Variants in ZNF804A observed in about 807,000 individuals in gnomAD.
ZNF804A encodes zinc finger protein 804A.
In ZNF804A, 2 loss-of-function variants were observed where a neutral mutation model predicts 16.5. The ratio of observed to expected loss-of-function variants is 0.12; its 90% CI spans 0.05 to 0.38. The LOEUF (loss-of-function observed/expected upper bound fraction) is 0.38, where lower values mean the gene tolerates loss of function less well. Ranked by LOEUF, ZNF804A falls within the 10% of genes least tolerant of loss-of-function variation. The pLI is 0.99. For synonymous variants in ZNF804A, 534 were observed against 489.6 expected, an observed-to-expected ratio of 1.09 and a Z score of -1.20; for missense variants, 1,473 against 1,390.7, an observed-to-expected ratio of 1.06 and a Z score of -0.94.
intron 2 of ZNF804A, among the ~76,000 whole-genome samples, chr2:184,869,300 T>C (rs1337772293): frequency 1.3e-5 from 2 of 152,030 alleles, no homozygotes; most frequent in African/African-American, 4.8e-5. Flanking sequence ...ATATGGGTAC[T>C]TACATGGAAT....
intron 1 of ZNF804A, among the ~76,000 whole-genome samples, chr2:184,663,976 A>C (rs1692219107): frequency 6.6e-6 from 1 of 152,348 alleles, no homozygotes; most frequent in East Asian, 1.9e-4. Context: ...ATTTAGAAGA[A>C]TATGGAAGAT....
At chr2:184,914,706 A>G (rs1685418079) in intron 2 of ZNF804A, among the ~76,000 whole-genome samples, 1 of 152,082 alleles carries the variant, frequency 6.6e-6, no homozygotes, top group South Asian at 2.1e-4. Context: ...AACTATATAT[A>G]CATAACATTT....
chr2:184,800,182 T>A (rs944277332), intron 1 of ZNF804A, among the ~76,000 whole-genome samples: 7 of 152,070 alleles, frequency 4.6e-5, no homozygotes, highest in African/African-American at 1.4e-4. Context: ...TTCTTCTTGG[T>A]TTAACTGGGT....
chr2:184,711,734 CTG>C (rs1225342396), intron 1 of ZNF804A, among the ~76,000 whole-genome samples: 1 of 151,634 alleles, frequency 6.6e-6, no homozygotes, highest in Non-Finnish European at 1.5e-5. Context: ...ATTGAAGAGA[CTG>C]TCCTTTCTCC....
At chr2:184,639,011 T>TTGTTAGG (rs1243018332) in intron 1 of ZNF804A, among the ~76,000 whole-genome samples, 3 of 152,068 alleles carry the variant, frequency 2.0e-5, no homozygotes, top group Non-Finnish European at 4.4e-5. Context: ...GTTCATCACT[T>TTGTTAGG]TGTTAGGTAT....
intron 2 of ZNF804A, 92 bp from the exon 3 acceptor site, chr2:184,933,511 G>T: frequency 8.2e-7 from 1 of 1,214,234 alleles, no homozygotes; most frequent in Non-Finnish European, 1.1e-6. Context: ...GGTCAAAGAT[G>T]ATGCATTGGA....
intron 1 of ZNF804A, among the ~76,000 whole-genome samples, chr2:184,655,241 G>T (rs1199327904): frequency 2.0e-5 from 3 of 152,166 alleles, no homozygotes; most frequent in African/African-American, 7.2e-5. Context: ...ACAAATTCCA[G>T]TCTTGCTGAT....
chr2:184,912,727 GCTTA>G (rs1265850662), intron 2 of ZNF804A, among the ~76,000 whole-genome samples: 1 of 151,990 alleles, frequency 6.6e-6, no homozygotes, highest in Non-Finnish European at 1.5e-5. Context: ...CGTTTCACAT[GCTTA>G]CTTACCATTT....
At chr2:184,841,112 T>G (rs16826223) in intron 1 of ZNF804A, among the ~76,000 whole-genome samples, 5,976 of 152,238 alleles carry the variant, frequency 0.039, 375 homozygotes, top group African/African-American at 0.13. Context: ...ATTCCTGCAC[T>G]ATCTTTCACG....
chr2:184,867,774 C>T (rs182826008), intron 2 of ZNF804A, among the ~76,000 whole-genome samples: 112 of 152,078 alleles, frequency 7.4e-4, no homozygotes, highest in Non-Finnish European at 1.2e-3. Context: ...ATGTTACTGA[C>T]GTTTGTTTTA....
rs191541343 is a variant in ZNF804A at position 184,870,807 on chromosome 2, T to A, written c.255+4295T>A. On this transcript the variant is annotated intron_variant, in intron 2 of 3. Coordinates refer to ENST00000302277, the MANE Select transcript of ZNF804A (RefSeq NM_194250.2). ...CTATTTGTAAGGAGAATATTACATA[T>A]GAGGATGGTGTGACTGTTACAAGAT... 4.0e-3 allele frequency among the ~76,000 whole-genome samples: 612 copies of A among 152,154 alleles called. 2 individuals are homozygous for A. Among genetic ancestry groups the A allele is most frequent in the Middle Eastern group, 6.8e-3 (2 of 294 alleles).
At chr2:184,737,231 C>T (rs1693637757) in intron 1 of ZNF804A, among the ~76,000 whole-genome samples, 1 of 151,208 alleles carries the variant, frequency 6.6e-6, no homozygotes, top group Non-Finnish European at 1.5e-5. Flanking sequence ...TAATTTTTTT[C>T]TATTTTTTTT....
At chr2:184,839,073 C>T (rs1266031438) in intron 1 of ZNF804A, among the ~76,000 whole-genome samples, 1 of 152,010 alleles carries the variant, frequency 6.6e-6, no homozygotes, top group African/African-American at 2.4e-5. Context: ...CTAACATTCT[C>T]ATATTTTTTG....
At chr2:184,749,037 T>C (rs184828786) in intron 1 of ZNF804A, among the ~76,000 whole-genome samples, 74 of 151,798 alleles carry the variant, frequency 4.9e-4, no homozygotes, top group African/African-American at 1.7e-3. Flanking sequence ...CTGGCTTTGA[T>C]CTTTTTGCTT....
chr2:184,706,362 T>C (rs1277368921), intron 1 of ZNF804A, among the ~76,000 whole-genome samples: 1 of 152,150 alleles, frequency 6.6e-6, no homozygotes, highest in Non-Finnish European at 1.5e-5. Context: ...TCTTCCTCTG[T>C]TAAGTAATTT....
chr2:184,766,386 A>G (rs1694127308), intron 1 of ZNF804A, among the ~76,000 whole-genome samples: 1 of 152,122 alleles, frequency 6.6e-6, no homozygotes, highest in Admixed American at 6.5e-5. Context: ...CTAAGCACAG[A>G]TAAACAATCA....
chr2:184,935,923 A>G lies in ZNF804A; in HGVS notation c.527A>G (p.Asn176Ser). The G allele has an allele frequency of 3.1e-6, 5 of 1,613,986 alleles. No homozygotes were observed. The highest frequency in any genetic ancestry group is 8.5e-7 in the Non-Finnish European group (1 of 1,179,926). ...FKYTLIHSEE[N>S]TKDATTVAED... ...TATACTTTGATTCATAGTGAAGAGA[A>G]TACTAAAGATGCTACCACTGTTGCT... is the stretch of plus-strand genomic sequence containing the variant. The change falls in exon 4 of 4, where the codon AAT (asparagine) becomes AGT (serine). Residue 176 changes from asparagine (N) to serine (S), a missense_variant. Asn to Ser is a conservative substitution (Grantham distance 46). Coordinates refer to ENST00000302277, the MANE Select transcript of ZNF804A (RefSeq NM_194250.2).
At chr2:184,670,161 T>G (rs563688735) in intron 1 of ZNF804A, among the ~76,000 whole-genome samples, 1 of 152,102 alleles carries the variant, frequency 6.6e-6, no homozygotes, top group Non-Finnish European at 1.5e-5. Flanking sequence ...TTGCTATTCC[T>G]TTCTATATAA....
chr2:184,937,680 A>G lies in ZNF804A; in HGVS notation c.2284A>G (p.Met762Val), dbSNP rs775452271. 6.2e-7 allele frequency: 1 copy of G among 1,614,118 alleles called. No individual in the cohort carries two copies. The highest frequency in any genetic ancestry group is 1.1e-5 in the South Asian group (1 of 91,086). Residue 762 changes from methionine to valine, a missense_variant, in exon 4 of 4, where the codon ATG becomes GTG. Met to Val is a conservative substitution (Grantham distance 21). Coordinates refer to ENST00000302277, the MANE Select transcript of ZNF804A (RefSeq NM_194250.2). ...TGTTAAAAGAGGTTACAATTCTGTC[A>G]TGAATGAATCAGAAAGATTCTATCG... ...QAVKRGYNSV[M>V]NESERFYRKR...
Sources: gnomAD v4.1 joint callset for allele counts (sites outside exome capture counted in the v4.1 genomes callset) on GRCh38, gnomAD v4.1.1 for gene constraint, MANE v1.5 for transcripts, NCBI Gene and HGNC (gene_info 2026-07-23, HGNC 2026-07-21) for gene names.